Variants in GRID2 observed in about 807,000 individuals in gnomAD.
GRID2 encodes glutamate receptor ionotropic, delta-2.
GRID2 carries 33 observed loss-of-function variants against 114.8 expected under a neutral mutation model. The ratio of observed to expected loss-of-function variants is 0.29; its 90% CI spans 0.22 to 0.38. GRID2 has a LOEUF of 0.38. Ranked by LOEUF, GRID2 falls within the 10% of genes least tolerant of loss-of-function variation. The pLI is 1.00. For missense variants in GRID2, 1,184 were observed against 1,257.7 expected (o/e 0.94, Z 0.89); for synonymous variants, 505 against 449.9 (o/e 1.12, Z -1.55).
chr4:93,718,031 G>A (rs879721747), intron 14 of GRID2, among the ~76,000 whole-genome samples: 22 of 152,088 alleles, frequency 1.4e-4, no homozygotes, highest in African/African-American at 4.3e-4. Context: ...CGAGGCAGGC[G>A]GATCACGAGG....
intron 14 of GRID2, among the ~76,000 whole-genome samples, chr4:93,638,009 A>C (rs1721571108): frequency 6.6e-6 from 1 of 152,124 alleles, no homozygotes; most frequent in African/African-American, 2.4e-5. Context: ...TAAAAATATA[A>C]GAATTTTTAT....
intron 4 of GRID2, among the ~76,000 whole-genome samples, chr4:93,144,290 C>T (rs970015402): frequency 6.6e-6 from 1 of 152,158 alleles, no homozygotes; most frequent in South Asian, 2.1e-4. Flanking sequence ...TGTCAGTTTG[C>T]TAAATTCTTT....
At chr4:93,328,981 T>G (rs1758149090) in intron 8 of GRID2, among the ~76,000 whole-genome samples, 1 of 152,166 alleles carries the variant, frequency 6.6e-6, no homozygotes, top group African/African-American at 2.4e-5. Context: ...CTTGCTGCAG[T>G]TTTAGTACCT....
At chr4:93,770,600 C>T (rs1449976686) in intron 15 of GRID2, among the ~76,000 whole-genome samples, 2 of 152,148 alleles carry the variant, frequency 1.3e-5, no homozygotes, top group Non-Finnish European at 2.9e-5. Context: ...AGCATACATT[C>T]TAAATATGTG....
chr4:93,022,625 T>G (rs529163404), intron 2 of GRID2, among the ~76,000 whole-genome samples: 8 of 152,124 alleles, frequency 5.3e-5, no homozygotes, highest in African/African-American at 1.9e-4. Flanking sequence ...AATCAAAATG[T>G]TTTCACAAAA....
chr4:93,167,993 A>G (rs1271599594), intron 4 of GRID2, among the ~76,000 whole-genome samples: 1 of 152,068 alleles, frequency 6.6e-6, no homozygotes, highest in African/African-American at 2.4e-5. Context: ...CATGGATTCA[A>G]GACCAGCCTG....
chr4:93,084,308 T>C (rs192279875), intron 2 of GRID2, among the ~76,000 whole-genome samples: 45 of 152,302 alleles, frequency 3.0e-4, no homozygotes, highest in Non-Finnish European at 5.1e-4. Flanking sequence ...AACCATATAA[T>C]AGGAATTATA....
intron 12 of GRID2, among the ~76,000 whole-genome samples, chr4:93,496,045 A>G (rs1328075920): frequency 3.3e-5 from 5 of 151,004 alleles, no homozygotes; most frequent in Non-Finnish European, 7.4e-5. Flanking sequence ...TCTGCCTCTC[A>G]CTTTTAGCTT....
intron 1 of GRID2, among the ~76,000 whole-genome samples, chr4:92,308,108 A>G (rs1725507344): frequency 6.6e-6 from 1 of 152,154 alleles, no homozygotes; most frequent in Non-Finnish European, 1.5e-5. Context: ...TATTTTCTTC[A>G]TACATCAGTC....
intron 4 of GRID2, among the ~76,000 whole-genome samples, chr4:93,154,765 C>CA (rs1003354739): frequency 1.6e-4 from 24 of 150,718 alleles, no homozygotes; most frequent in Admixed American, 2.0e-4. Context: ...AACAAACAAA[C>CA]AAAAAAAACA....
At chr4:92,519,765 C>A (rs1334270676) in intron 1 of GRID2, among the ~76,000 whole-genome samples, 1 of 151,714 alleles carries the variant, frequency 6.6e-6, no homozygotes, top group Non-Finnish European at 1.5e-5. Flanking sequence ...AGTCCAAAGG[C>A]CTGAGAATAA....
At chr4:93,071,288 T>A (rs1578902432) in intron 2 of GRID2, among the ~76,000 whole-genome samples, 1 of 152,106 alleles carries the variant, frequency 6.6e-6, no homozygotes, top group African/African-American at 2.4e-5. Context: ...TCTGCCCTAA[T>A]GATTAGACCA....
At chr4:93,411,512 G>A (rs1363736435) in intron 9 of GRID2, among the ~76,000 whole-genome samples, 3 of 150,612 alleles carry the variant, frequency 2.0e-5, no homozygotes, top group Non-Finnish European at 4.4e-5. Context: ...CTAGCTCACT[G>A]CAACCTCCGC....
intron 8 of GRID2, among the ~76,000 whole-genome samples, chr4:93,308,048 T>C (rs1268299463): frequency 6.6e-6 from 1 of 152,140 alleles, no homozygotes; most frequent in Non-Finnish European, 1.5e-5. Flanking sequence ...CAATGAATAA[T>C]TGATCCATGA....
At chr4:93,754,815 G>A (rs1310182885) in intron 14 of GRID2, among the ~76,000 whole-genome samples, 1 of 152,114 alleles carries the variant, frequency 6.6e-6, no homozygotes, top group Non-Finnish European at 1.5e-5. Flanking sequence ...CAAGGGTTGG[G>A]GTAAAGTGGA....
intron 2 of GRID2, among the ~76,000 whole-genome samples, chr4:92,667,548 C>T (rs1732850201): frequency 6.6e-6 from 1 of 151,478 alleles, no homozygotes; most frequent in African/African-American, 2.4e-5. Flanking sequence ...AAATAAATAT[C>T]CATAGCAACA....
chr4:92,646,388 A>T, intron 2 of GRID2, among the ~76,000 whole-genome samples: 1 of 152,246 alleles, frequency 6.6e-6, no homozygotes. Flanking sequence ...TACATTATTA[A>T]CCTGCCTGTA....
intron 1 of GRID2, among the ~76,000 whole-genome samples, chr4:92,388,097 T>A (rs1043970837): frequency 3.3e-5 from 5 of 152,082 alleles, no homozygotes; most frequent in African/African-American, 1.2e-4. Context: ...TGCCTGCTGC[T>A]TAAAAAGGTT....
intron 2 of GRID2, among the ~76,000 whole-genome samples, chr4:93,005,983 T>C (rs974988353): frequency 6.6e-6 from 1 of 152,090 alleles, no homozygotes; most frequent in African/African-American, 2.4e-5. Flanking sequence ...TTAGTTTATT[T>C]ATGATTGCTT....
Sources: allele counts gnomAD v4.1 joint callset (sites outside exome capture counted in the v4.1 genomes callset), GRCh38; gene constraint gnomAD v4.1.1; transcripts MANE v1.5; gene names NCBI Gene and HGNC (gene_info 2026-07-23, HGNC 2026-07-21).